FGF1: variants seen among roughly 807,000 people sequenced by gnomAD.
The protein encoded by FGF1 is fibroblast growth factor 1.
In FGF1, 9 loss-of-function variants were observed where a neutral mutation model predicts 13.4. The observed-to-expected ratio is 0.67, with a 90% CI of 0.40 to 1.17. FGF1 has a LOEUF of 1.17. Ranked by LOEUF, FGF1 falls within the 50% of genes most tolerant of loss-of-function variation. The pLI, the probability that FGF1 is intolerant of heterozygous loss-of-function variation, is 0.01. For synonymous variants in FGF1, 93 were observed against 79.0 expected (o/e 1.18, Z -0.94); for missense variants, 156 against 192.7 (o/e 0.81, Z 1.13).
chr5:142,615,922 A>T (rs1760129873), intron 1 of FGF1, among the ~76,000 whole-genome samples: 1 of 152,168 alleles, frequency 6.6e-6, no homozygotes, highest in African/African-American at 2.4e-5. Context: ...TGTCATTCAT[A>T]TATTTATTTG....
upstream of FGF1, among the ~76,000 whole-genome samples, chr5:142,687,227 C>G (rs1751398642): frequency 6.6e-6 from 1 of 152,118 alleles, no homozygotes; most frequent in African/African-American, 2.4e-5. Flanking sequence ...TAGAAATATG[C>G]TCTCCAGTCT....
At position 142,675,787 on chromosome 5, in the gene FGF1, T is replaced by C. The variant is rs1439812975; in HGVS notation, c.-35+10170A>G. ...TTACCACCTATAATAGCCTGTCCTTTTATCTCTGCAGTCACTGTCCAAATG... is the reference window on the plus strand; with the variant it reads ...TTACCACCTATAATAGCCTGTCCTTCTATCTCTGCAGTCACTGTCCAAATG... On this transcript the variant is annotated intron_variant, in intron 1 of 3. Transcript: ENST00000337706. Among the ~76,000 whole-genome samples, 4 of 152,300 alleles carry C rather than the reference T, an allele frequency of 2.6e-5. No homozygotes were observed. In the East Asian group the frequency reaches 5.8e-4, roughly 22 times the overall value.
chr5:142,616,127 G>C (rs1335078090), intron 1 of FGF1, among the ~76,000 whole-genome samples: 2 of 152,224 alleles, frequency 1.3e-5, no homozygotes, highest in Non-Finnish European at 2.9e-5. Flanking sequence ...CAGCTGTGCG[G>C]AGCTGCTCTC....
intron 1 of FGF1, among the ~76,000 whole-genome samples, chr5:142,669,571 C>G (rs573533369): frequency 6.6e-6 from 1 of 152,108 alleles, no homozygotes; most frequent in African/African-American, 2.4e-5. Context: ...ATAGAGGGAC[C>G]GGAAGGATGA....
chr5:142,641,815 A>C (rs2151951661), intron 1 of FGF1, among the ~76,000 whole-genome samples: 1 of 151,960 alleles, frequency 6.6e-6, no homozygotes, highest in East Asian at 1.9e-4. Context: ...GGAATACGTA[A>C]AGAGAATCTT....
chr5:142,602,564 G>T (rs1345036101), intron 2 of FGF1, among the ~76,000 whole-genome samples: 2 of 152,108 alleles, frequency 1.3e-5, no homozygotes, highest in African/African-American at 4.8e-5. Flanking sequence ...CTTCGTTCTG[G>T]AGTGCACATC....
chr5:142,684,535 C>A (rs919959243), intron 1 of FGF1, among the ~76,000 whole-genome samples: 1 of 152,234 alleles, frequency 6.6e-6, no homozygotes, highest in Non-Finnish European at 1.5e-5. Context: ...CCTCTGCCAA[C>A]AGCAAATTGT....
At chr5:142,615,308 C>T (rs1484517124) in intron 1 of FGF1, among the ~76,000 whole-genome samples, 2 of 152,110 alleles carry the variant, frequency 1.3e-5, no homozygotes, top group African/African-American at 4.8e-5. Context: ...ACCTTGGCCT[C>T]CCGGGTCCCA....
intron 1 of FGF1, among the ~76,000 whole-genome samples, chr5:142,683,317 G>A (rs980431180): frequency 6.6e-6 from 1 of 152,170 alleles, no homozygotes. Context: ...TCCATCTTGA[G>A]TGAGGGCTGG....
At chr5:142,624,293 C>T (rs1032128440) in intron 1 of FGF1, among the ~76,000 whole-genome samples, 1 of 152,166 alleles carries the variant, frequency 6.6e-6, no homozygotes, top group African/African-American at 2.4e-5. Flanking sequence ...TCTTAAACTT[C>T]TAGGCTCAAG....
intron 2 of FGF1, among the ~76,000 whole-genome samples, chr5:142,612,109 A>G (rs1315924872): frequency 1.3e-5 from 2 of 152,234 alleles, no homozygotes; most frequent in South Asian, 2.1e-4. Context: ...ATAATCTGGC[A>G]TTCCTTGAAT....
chr5:142,674,749 C>T (rs1772185580), intron 1 of FGF1, among the ~76,000 whole-genome samples: 1 of 152,106 alleles, frequency 6.6e-6, no homozygotes. Context: ...TTAAAGTGGC[C>T]AATTCAGGAT....
At chr5:142,649,978 T>G (rs992284359) in intron 1 of FGF1, among the ~76,000 whole-genome samples, 1 of 152,180 alleles carries the variant, frequency 6.6e-6, no homozygotes, top group African/African-American at 2.4e-5. Context: ...TAAGATCAAG[T>G]GTAGTCCATG....
chr5:142,636,118 G>A (rs940510153), intron 1 of FGF1, among the ~76,000 whole-genome samples: 8 of 152,342 alleles, frequency 5.3e-5, no homozygotes, highest in East Asian at 3.9e-4. Context: ...GTGTGAGGCT[G>A]GAGCCGGATT....
At chr5:142,672,717 C>T (rs1771735773) in intron 1 of FGF1, among the ~76,000 whole-genome samples, 3 of 152,136 alleles carry the variant, frequency 2.0e-5, no homozygotes, top group Admixed American at 2.0e-4. Context: ...GTTGGCCAGG[C>T]TCGTCTCGAA....
chr5:142,669,432 T>C (rs1597401280), intron 1 of FGF1, among the ~76,000 whole-genome samples: 1 of 152,174 alleles, frequency 6.6e-6, no homozygotes, highest in East Asian at 1.9e-4. Context: ...AATAAATGGC[T>C]GTTGAATTGA....
At chr5:142,638,211 C>T (rs1267675441) in intron 1 of FGF1, among the ~76,000 whole-genome samples, 2 of 151,984 alleles carry the variant, frequency 1.3e-5, no homozygotes, top group African/African-American at 4.8e-5. Context: ...TGGCCTCAAA[C>T]AAGAGTGAAC....
At chr5:142,691,781 A>G (rs1752267031) in intron 2 of FGF1, among the ~76,000 whole-genome samples, 1 of 152,204 alleles carries the variant, frequency 6.6e-6, no homozygotes, top group Non-Finnish European at 1.5e-5. Flanking sequence ...GCATTTTGAG[A>G]GCTACCAGTC....
chr5:142,613,180 A>T (rs539540685), intron 2 of FGF1, among the ~76,000 whole-genome samples: 1 of 152,342 alleles, frequency 6.6e-6, no homozygotes, highest in South Asian at 2.1e-4. Context: ...TCACGATAGG[A>T]CCTGGACACC....
Sources: allele counts gnomAD v4.1 joint callset (sites outside exome capture counted in the v4.1 genomes callset), GRCh38; gene constraint gnomAD v4.1.1; transcripts MANE v1.5; gene names NCBI Gene and HGNC (gene_info 2026-07-23, HGNC 2026-07-21).